Variants in ATP2B2 observed in about 807,000 individuals in gnomAD.
The protein encoded by ATP2B2 is ATPase plasma membrane Ca2+ transporting 2.
In ATP2B2, 15 loss-of-function variants were observed where a neutral mutation model predicts 120.0. The ratio of observed to expected loss-of-function variants is 0.12; its 90% CI spans 0.08 to 0.19. The LOEUF is 0.19. Ranked by LOEUF, ATP2B2 falls within the 10% of genes least tolerant of loss-of-function variation. The probability of loss-of-function intolerance (pLI) is 1.00; values close to 1 mark genes in which losing one functional copy is unlikely to be tolerated. For synonymous variants in ATP2B2, 694 were observed against 700.3 expected (o/e 0.99, Z 0.14); for missense variants, 1,045 against 1,719.8 (o/e 0.61, Z 6.94).
At chr3:10,417,616 T>C (rs1047608976) in intron 2 of ATP2B2, among the ~76,000 whole-genome samples, 1 of 152,174 alleles carries the variant, frequency 6.6e-6, no homozygotes, top group Non-Finnish European at 1.5e-5. Flanking sequence ...ATAGTGCACA[T>C]CCAGTCATTC....
chr3:10,366,042 C>G (rs1474539494), intron 12 of ATP2B2, among the ~76,000 whole-genome samples: 3 of 152,052 alleles, frequency 2.0e-5, no homozygotes, highest in African/African-American at 4.8e-5. Flanking sequence ...TTTCACATAC[C>G]CCAGGGCCCA....
intron 1 of ATP2B2, among the ~76,000 whole-genome samples, chr3:10,689,294 G>GATCCCCACTTTACAACTGAGAAAACTA (rs2071598859): frequency 6.6e-6 from 1 of 152,198 alleles, no homozygotes; most frequent in Non-Finnish European, 1.5e-5. Context: ...AACCAGGTAT[G>GATCCCCACTTTACAACTGAGAAAACTA]AAGCTTGCCT....
intron 2 of ATP2B2, among the ~76,000 whole-genome samples, chr3:10,593,454 A>AACATG (rs1276004829): frequency 6.6e-6 from 1 of 152,194 alleles, no homozygotes; most frequent in African/African-American, 2.4e-5. Context: ...TCTGTGCAGA[A>AACATG]ACATGTCTAT....
At chr3:10,506,393 T>C (rs564182388), upstream of ATP2B2, among the ~76,000 whole-genome samples, 1 of 152,268 alleles carries the variant, frequency 6.6e-6, no homozygotes, top group East Asian at 1.9e-4. Context: ...AGGACATCTA[T>C]GATGAGTTGC....
rs796539231 is a variant in ATP2B2 at position 10,409,254 on chromosome 3, G to A, written c.397+1364C>T. ...ATTTCTTATAATGTCCTATGTGAAA[G>A]TTGATCCCAGAATTCTCGTAAAGAG... On this transcript the variant is annotated intron_variant, in intron 3 of 22. Coordinates refer to ENST00000360273, the MANE Select transcript of ATP2B2 (RefSeq NM_001001331.4). Among the ~76,000 whole-genome samples the A allele has an allele frequency of 1.7e-4, 26 of 152,290 alleles. 1 individual carries two copies. The highest frequency in any genetic ancestry group is 6.0e-4 in the African/African-American group (25 of 41,564).
rs112557596 is a variant in ATP2B2, at chr3:10,530,334, A to G, written c.-320+3705T>C. On this transcript the variant is annotated intron_variant, in intron 3 of 21. Transcript: ENST00000646379. ...AAAAGGAGGACTCCCATTTTAAAGA[A>G]TATAAAACTGAGGTGAGAAGCACTT... 2.8e-3 allele frequency among the ~76,000 whole-genome samples: 427 copies of G among 152,340 alleles called. 2 individuals carry two copies. Among genetic ancestry groups the G allele is most frequent in the Non-Finnish European group, 4.6e-3 (314 of 68,024 alleles).
chr3:10,599,721 T>C (rs144940898), intron 2 of ATP2B2, among the ~76,000 whole-genome samples: 52 of 147,882 alleles, frequency 3.5e-4, no homozygotes, highest in Non-Finnish European at 6.7e-4. Flanking sequence ...CATTCAACCG[T>C]GACTGAGTAC....
intron 1 of ATP2B2, among the ~76,000 whole-genome samples, chr3:10,470,555 G>A (rs1290261612): frequency 1.3e-5 from 2 of 152,192 alleles, no homozygotes; most frequent in Non-Finnish European, 2.9e-5. Context: ...GGTATGCTGG[G>A]CTCAAGAGGG....
chr3:10,582,130 C>T (rs1315527162), intron 2 of ATP2B2, among the ~76,000 whole-genome samples: 1 of 152,196 alleles, frequency 6.6e-6, no homozygotes, highest in East Asian at 1.9e-4. Flanking sequence ...AATACCTTCC[C>T]TGTTCCAAAG....
chr3:10,344,467 C>T (rs2060372495), intron 18 of ATP2B2, among the ~76,000 whole-genome samples: 1 of 152,226 alleles, frequency 6.6e-6, no homozygotes, highest in African/African-American at 2.4e-5. Context: ...CAGGAAGCAA[C>T]AGAGGGGAGC....
At chr3:10,350,728 G>A (rs774967002) in intron 14 of ATP2B2, 151 bp from the exon 15 acceptor site, 2 of 791,748 alleles carry the variant, frequency 2.5e-6, no homozygotes, top group Non-Finnish European at 4.0e-6. Context: ...ATGGCATATG[G>A]GCCACAGCCT....
At chr3:10,656,163 G>C (rs2070622214) in intron 1 of ATP2B2, among the ~76,000 whole-genome samples, 1 of 152,216 alleles carries the variant, frequency 6.6e-6, no homozygotes, top group South Asian at 2.1e-4. Context: ...GAAAAAGGTG[G>C]TGAGGAAGTT....
At chr3:10,644,060 A>C (rs1315855620) in intron 1 of ATP2B2, among the ~76,000 whole-genome samples, 1 of 152,204 alleles carries the variant, frequency 6.6e-6, no homozygotes, top group Non-Finnish European at 1.5e-5. Flanking sequence ...TACAGAAAAA[A>C]CTAATACAAC....
chr3:10,534,105 C>T (rs371578387), exon 3 of ATP2B2: 2 of 152,440 alleles, frequency 1.3e-5, no homozygotes, highest in South Asian at 4.1e-4. Flanking sequence ...GTCTTGCTGG[C>T]TCTAGGGACT....
chr3:10,704,026 C>G (rs2071859709), intron 1 of ATP2B2, among the ~76,000 whole-genome samples: 1 of 152,166 alleles, frequency 6.6e-6, no homozygotes, highest in African/African-American at 2.4e-5. Context: ...CTGTGGAGGC[C>G]ACAGTAAAGG....
intron 7 of ATP2B2, among the ~76,000 whole-genome samples, chr3:10,385,779 T>C (rs892342809): frequency 1.3e-5 from 2 of 152,258 alleles, no homozygotes; most frequent in African/African-American, 4.8e-5. Flanking sequence ...ACCATCTCTG[T>C]GCATCAGGGT....
intron 2 of ATP2B2, among the ~76,000 whole-genome samples, chr3:10,432,684 G>C (rs924410595): frequency 6.6e-5 from 10 of 152,272 alleles, no homozygotes; most frequent in African/African-American, 2.4e-4. Flanking sequence ...CTGGCAAGGA[G>C]GTGGCAGGGG....
intron 10 of ATP2B2, among the ~76,000 whole-genome samples, chr3:10,377,637 G>A (rs111704689): frequency 2.0e-5 from 3 of 152,184 alleles, no homozygotes; most frequent in African/African-American, 7.2e-5. Flanking sequence ...TTGTGCGGGG[G>A]CTCAGACCAT....
intron 14 of ATP2B2, 138 bp downstream of exon 14, chr3:10,358,553 G>T: frequency 1.1e-6 from 1 of 888,276 alleles, no homozygotes; most frequent in Non-Finnish European, 1.8e-6. Flanking sequence ...CTCTTATGAG[G>T]ATCAAGGAAG....
Sources: gnomAD v4.1 joint callset for allele counts (sites outside exome capture counted in the v4.1 genomes callset) on GRCh38, gnomAD v4.1.1 for gene constraint, MANE v1.5 for transcripts, NCBI Gene and HGNC (gene_info 2026-07-23, HGNC 2026-07-21) for gene names.